BCAS3: variants seen among roughly 807,000 people sequenced by gnomAD.
BCAS3 encodes BCAS3 microtubule associated cell migration factor.
Under a neutral mutation model 116.1 loss-of-function variants are expected in BCAS3, and 53 were observed. The observed-to-expected ratio is 0.46, with a 90% CI of 0.37 to 0.57. The LOEUF (loss-of-function observed/expected upper bound fraction) is 0.57. Among genes scored for constraint, BCAS3 ranks in the 20% least tolerant of loss-of-function variants. The pLI is 0.00. For missense variants in BCAS3, 917 were observed against 1,165.4 expected (o/e 0.79, Z 3.10); for synonymous variants, 391 against 408.2 (o/e 0.96, Z 0.51).
At chr17:60,861,086 T>C (rs1384510956) in intron 7 of BCAS3, among the ~76,000 whole-genome samples, 1 of 152,210 alleles carries the variant, frequency 6.6e-6, no homozygotes, top group Non-Finnish European at 1.5e-5. Flanking sequence ...TTGGGTAGTA[T>C]GGACATTTTA....
intron 7 of BCAS3, among the ~76,000 whole-genome samples, chr17:60,849,352 T>C (rs1488559449): frequency 6.6e-6 from 1 of 152,138 alleles, no homozygotes; most frequent in East Asian, 1.9e-4. Flanking sequence ...GAAAATGTAC[T>C]GTACTTCACA....
intron 6 of BCAS3, 49 bp from the exon 7 acceptor site, chr17:60,807,955 T>C: frequency 7.7e-7 from 1 of 1,296,756 alleles, no homozygotes; most frequent in Non-Finnish European, 1.1e-6. Flanking sequence ...GTGGGAATTA[T>C]ACAATAATAT....
intron 22 of BCAS3, among the ~76,000 whole-genome samples, chr17:61,163,409 G>C (rs1488283816): frequency 6.7e-6 from 1 of 149,490 alleles, no homozygotes; most frequent in African/African-American, 2.5e-5. Flanking sequence ...GGGCGACAGA[G>C]CGAGACTCCG....
intron 7 of BCAS3, among the ~76,000 whole-genome samples, chr17:60,852,123 C>T (rs2053224214): frequency 6.6e-6 from 1 of 151,392 alleles, no homozygotes; most frequent in Non-Finnish European, 1.5e-5. Flanking sequence ...TAAATTACTT[C>T]TATTCCCGTG....
chr17:60,918,691 A>ATTT (rs1161722822), intron 12 of BCAS3, among the ~76,000 whole-genome samples: 2 of 127,806 alleles, frequency 1.6e-5, no homozygotes, highest in African/African-American at 6.2e-5. Context: ...AAGCTTCTCA[A>ATTT]TTTTTTTTTT....
In BCAS3 at chr17:60,980,883, G is replaced by A. The variant is rs112775144; in HGVS notation, c.1222-9088G>A. On this transcript the variant is annotated intron_variant, in intron 14 of 23. Coordinates refer to ENST00000407086, the MANE Select transcript of BCAS3 (RefSeq NM_017679.5). ...TTGGAGGCAGGTTTTCACACTGCTGGCATGCAGTGGCACCAGTATGGCTCA... is the reference window on the plus strand; with the variant it reads ...TTGGAGGCAGGTTTTCACACTGCTGACATGCAGTGGCACCAGTATGGCTCA... 7.7e-4 allele frequency among the ~76,000 whole-genome samples: 117 copies of A among 152,006 alleles called. 1 individual carries two copies. The highest frequency in any genetic ancestry group is 1.1e-3 in the Non-Finnish European group (73 of 67,964).
chr17:61,247,598 C>T (rs953482162), intron 22 of BCAS3, among the ~76,000 whole-genome samples: 2 of 152,182 alleles, frequency 1.3e-5, no homozygotes, highest in Admixed American at 6.5e-5. Context: ...ATACCACCTA[C>T]CAGCAAGAGC....
chr17:61,120,255 A>G (rs1352960562), intron 22 of BCAS3, among the ~76,000 whole-genome samples: 4 of 152,144 alleles, frequency 2.6e-5, no homozygotes, highest in African/African-American at 4.8e-5. Flanking sequence ...AATTTTAAAT[A>G]TAGTACAGTG....
chr17:60,819,181 T>A (rs1441033020), intron 7 of BCAS3, among the ~76,000 whole-genome samples: 2 of 152,162 alleles, frequency 1.3e-5, no homozygotes, highest in Non-Finnish European at 2.9e-5. Context: ...ATGACCCCAG[T>A]TCACTTAATT....
intron 6 of BCAS3, among the ~76,000 whole-genome samples, chr17:60,770,856 TTTTTTTTTTG>T (rs2044624435): frequency 9.9e-6 from 1 of 100,858 alleles, no homozygotes; most frequent in Non-Finnish European, 1.8e-5. Context: ...TTTTTTTTTT[TTTTTTTTTTG>T]AGACAGGGTC....
chr17:61,360,523 C>G (rs2058398992), intron 22 of BCAS3, among the ~76,000 whole-genome samples: 1 of 152,180 alleles, frequency 6.6e-6, no homozygotes, highest in Non-Finnish European at 1.5e-5. Flanking sequence ...GCCATGCTGT[C>G]CTTCCTTGCT....
At chr17:60,818,279 G>A (rs776616896) in intron 7 of BCAS3, among the ~76,000 whole-genome samples, 2 of 152,078 alleles carry the variant, frequency 1.3e-5, no homozygotes, top group Non-Finnish European at 1.5e-5. Flanking sequence ...TTACAAACTG[G>A]CAAAAGCATC....
At position 61,380,604 on chromosome 17, in the gene BCAS3, G is replaced by A. The variant is rs1475942759; in HGVS notation, c.2594-11373G>A. The A allele has an allele frequency of 1.9e-6, 3 of 1,585,526 alleles. No individual in the cohort carries two copies. The highest frequency in any genetic ancestry group is 1.3e-5 in the African/African-American group (1 of 74,628). On this transcript the variant is annotated intron_variant, in intron 23 of 23. Transcript: ENST00000407086. The surrounding 1 kb of genome is among the most constrained non-coding windows in gnomAD (Gnocchi z 4.2). Reference sequence around the variant, plus strand: ...ACGTCCTATCTTTGCCTATGTGGAAGGGGTTGTCCCGTTGCTTCTTTTGTC... The same window carrying A: ...ACGTCCTATCTTTGCCTATGTGGAAAGGGTTGTCCCGTTGCTTCTTTTGTC...
intron 7 of BCAS3, among the ~76,000 whole-genome samples, chr17:60,823,221 A>G (rs1296742318): frequency 6.6e-6 from 1 of 152,172 alleles, no homozygotes; most frequent in African/African-American, 2.4e-5. Context: ...GTAGTTTGCC[A>G]TGTTTCCCTG....
At chr17:60,722,388 G>A (rs1568101121) in intron 5 of BCAS3, among the ~76,000 whole-genome samples, 1 of 152,176 alleles carries the variant, frequency 6.6e-6, no homozygotes, top group Non-Finnish European at 1.5e-5. Flanking sequence ...TGCATCCTCA[G>A]CAGCACTTGG....
rs1436364079 is a variant in BCAS3 at position 61,186,146 on chromosome 17, T to G, written c.2425+101582T>G. ...CTCTTTCTAGTGCCTTGAATTGCTATTTAACATACGATAGCTTATTTATAT... is the reference window on the plus strand; with the variant it reads ...CTCTTTCTAGTGCCTTGAATTGCTAGTTAACATACGATAGCTTATTTATAT... On this transcript the variant is annotated intron_variant, in intron 22 of 23. Coordinates refer to ENST00000407086, the MANE Select transcript of BCAS3 (RefSeq NM_017679.5). This position sits in a 1 kb window ranked among gnomAD's most constrained non-coding sequence, Gnocchi z 4.9. 6.6e-6 allele frequency among the ~76,000 whole-genome samples: 1 copy of G among 152,214 alleles called. No homozygotes were observed. The highest frequency in any genetic ancestry group is 1.9e-4 in the East Asian group (1 of 5,202).
At position 60,811,084 on chromosome 17, in the gene BCAS3, G is replaced by A. The variant is rs116400528; in HGVS notation, c.476+3008G>A. On this transcript the variant is annotated intron_variant, in intron 7 of 23. Coordinates refer to ENST00000407086, the MANE Select transcript of BCAS3 (RefSeq NM_017679.5). ...GCTGAGACGTACAGTCCAGTTCTTG[G>A]ATATTGACCTGGACTGCATGAGAAA... 581 of 632,322 alleles carry A rather than the reference G, an allele frequency of 9.2e-4. 3 individuals are homozygous for A. The African/African-American group carries it at 9.5e-3, about 10-fold the overall frequency. The allele number at this position is 632,322 out of a possible 1,614,324, so 39.2% of individuals were successfully genotyped here. A position where few individuals can be genotyped will look rare whatever the true frequency, so the allele number is the denominator to read the frequency against.
At chr17:60,761,010 T>C (rs1000384949) in intron 6 of BCAS3, among the ~76,000 whole-genome samples, 4 of 152,114 alleles carry the variant, frequency 2.6e-5, no homozygotes, top group African/African-American at 9.6e-5. Context: ...TGCTTTTGAA[T>C]ATATTTTGCA....
chr17:61,100,424 G>A (rs562540142), intron 22 of BCAS3, among the ~76,000 whole-genome samples: 1 of 152,256 alleles, frequency 6.6e-6, no homozygotes, highest in South Asian at 2.1e-4. Context: ...ACTTACTATG[G>A]TGCCTGACAC....
Sources: allele counts gnomAD v4.1 joint callset (sites outside exome capture counted in the v4.1 genomes callset), GRCh38; gene constraint gnomAD v4.1.1; non-coding constraint Gnocchi (gnomAD v3.1); transcripts MANE v1.5; gene names NCBI Gene and HGNC (gene_info 2026-07-23, HGNC 2026-07-21).